ZNF407: variants seen among roughly 807,000 people sequenced by gnomAD.
ZNF407 encodes zinc finger protein 407.
ZNF407 carries 17 observed loss-of-function variants against 131.2 expected under a neutral mutation model. The observed-to-expected ratio is 0.13, with a 90% CI of 0.09 to 0.19. ZNF407 has a LOEUF of 0.19. ZNF407 is among the 10% of genes least tolerant of loss of function. The probability of loss-of-function intolerance (pLI) is 1.00; values close to 1 mark genes in which losing one functional copy is unlikely to be tolerated. For synonymous variants in ZNF407, 1,156 were observed against 1,062.0 expected, an observed-to-expected ratio of 1.09 and a Z score of -1.72; for missense variants, 2,681 against 2,830.6, an observed-to-expected ratio of 0.95 and a Z score of 1.20.
At chr18:74,801,920 T>G (rs769258862) in intron 4 of ZNF407, among the ~76,000 whole-genome samples, 9 of 152,204 alleles carry the variant, frequency 5.9e-5, no homozygotes, top group Non-Finnish European at 1.2e-4. Flanking sequence ...GCACATGACC[T>G]TGCTAGAAGA....
intron 1 of ZNF407, among the ~76,000 whole-genome samples, chr18:74,612,785 G>A (rs1983120894): frequency 6.6e-6 from 1 of 152,152 alleles, no homozygotes; most frequent in Non-Finnish European, 1.5e-5. Flanking sequence ...CCTTGCCCAT[G>A]GGCACAGAGA....
chr18:74,882,731 C>G (rs1971255198), intron 6 of ZNF407, among the ~76,000 whole-genome samples: 1 of 152,164 alleles, frequency 6.6e-6, no homozygotes, highest in Non-Finnish European at 1.5e-5. Flanking sequence ...CTGATTTTAA[C>G]CACTGGCTTC....
At chr18:75,049,141 G>A (rs1973470530) in intron 8 of ZNF407, among the ~76,000 whole-genome samples, 1 of 151,322 alleles carries the variant, frequency 6.6e-6, no homozygotes, top group African/African-American at 2.4e-5. Context: ...TGATCTCACT[G>A]TCAGCTGGTG....
At chr18:74,960,504 T>C (rs1464021416) in intron 8 of ZNF407, among the ~76,000 whole-genome samples, 9 of 139,308 alleles carry the variant, frequency 6.5e-5, no homozygotes, top group African/African-American at 2.3e-4. Context: ...GAGAAGGTCC[T>C]GAGTCAGTGC....
intron 8 of ZNF407, among the ~76,000 whole-genome samples, chr18:74,938,311 G>T (rs755240947): frequency 1.3e-5 from 2 of 152,038 alleles, no homozygotes; most frequent in African/African-American, 2.4e-5. Context: ...CCAAATTTTC[G>T]TCATATACTG....
In ZNF407 at chr18:75,059,109, G is replaced by A. The variant is rs536984518; in HGVS notation, c.5429-4041G>A. 5.6e-4 allele frequency among the ~76,000 whole-genome samples: 86 copies of A among 152,302 alleles called. 3 individuals carry two copies. The South Asian group carries it at 0.012, about 22-fold the overall frequency. On this transcript the variant is annotated intron_variant, in intron 8 of 8. Transcript: ENST00000299687. ...GCTAGGCTTCGTCACACCCCACACC[G>A]ACAGCAGTATTTACCCATTTAGTTT...
At chr18:74,806,204 C>G (rs561997272) in intron 4 of ZNF407, among the ~76,000 whole-genome samples, 1 of 152,210 alleles carries the variant, frequency 6.6e-6, no homozygotes, top group African/African-American at 2.4e-5. Flanking sequence ...AGGCCCACAC[C>G]TTGGCTAGGC....
At chr18:74,716,159 A>AGTT (rs2144857915) in intron 3 of ZNF407, among the ~76,000 whole-genome samples, 1 of 152,258 alleles carries the variant, frequency 6.6e-6, no homozygotes, top group South Asian at 2.1e-4. Flanking sequence ...TTTAATTTTT[A>AGTT]GTTGTATCTT....
intron 4 of ZNF407, among the ~76,000 whole-genome samples, chr18:74,825,746 T>C (rs1005408660): frequency 5.3e-5 from 8 of 152,222 alleles, no homozygotes; most frequent in Non-Finnish European, 8.8e-5. Flanking sequence ...TATTGATTCT[T>C]ATGTGATCAT....
At chr18:74,958,505 G>GC (rs1161558751) in intron 8 of ZNF407, among the ~76,000 whole-genome samples, 1 of 151,900 alleles carries the variant, frequency 6.6e-6, no homozygotes, top group Non-Finnish European at 1.5e-5. Context: ...TTGATGAGGA[G>GC]CCCGCCGTGC....
chr18:74,600,101 G>A (rs1402327961), intron 1 of ZNF407, among the ~76,000 whole-genome samples: 2 of 152,238 alleles, frequency 1.3e-5, no homozygotes, highest in South Asian at 2.1e-4. Flanking sequence ...CGCATTGGCA[G>A]TGCAGTCTGA....
chr18:74,993,693 C>T lies in ZNF407; in HGVS notation c.5429-69457C>T, dbSNP rs147451754. On this transcript the variant is annotated intron_variant, in intron 8 of 8. Transcript: ENST00000299687. Reference sequence around the variant, plus strand: ...AACTGTTAAGAAACAAAAAAATACGCAGCGATTAAGTAATAGTTAACAGTG... The same window carrying T: ...AACTGTTAAGAAACAAAAAAATACGTAGCGATTAAGTAATAGTTAACAGTG... Among the ~76,000 whole-genome samples, 620 of 152,262 alleles carry T rather than the reference C, an allele frequency of 4.1e-3. 2 individuals are homozygous for T. Among genetic ancestry groups the T allele is most frequent in the Non-Finnish European group, 6.4e-3 (435 of 68,014 alleles).
chr18:74,835,627 GGGGT>G (rs34911845), intron 4 of ZNF407, among the ~76,000 whole-genome samples: 40,152 of 117,266 alleles, frequency 0.34, 5,617 homozygotes, highest in South Asian at 0.47. Context: ...TGGACAGAGG[GGGGT>G]GTGTGTGTGT....
intron 3 of ZNF407, among the ~76,000 whole-genome samples, chr18:74,752,471 G>A (rs1404170673): frequency 3.3e-5 from 5 of 152,038 alleles, no homozygotes; most frequent in Non-Finnish European, 7.4e-5. Flanking sequence ...CTGAATGGTA[G>A]TGCCTAGGTT....
chr18:74,822,788 T>A (rs1232069000), intron 4 of ZNF407, among the ~76,000 whole-genome samples: 1 of 152,208 alleles, frequency 6.6e-6, no homozygotes, highest in Non-Finnish European at 1.5e-5. Flanking sequence ...GTAGTTTTTT[T>A]TCCACTTCTG....
At chr18:74,609,315 T>C (rs919041489) in intron 1 of ZNF407, among the ~76,000 whole-genome samples, 1 of 152,188 alleles carries the variant, frequency 6.6e-6, no homozygotes, top group Non-Finnish European at 1.5e-5. Flanking sequence ...TGTGTGAACA[T>C]CACAGAGTAT....
chr18:74,854,855 T>C (rs1246578276), intron 4 of ZNF407, among the ~76,000 whole-genome samples: 1 of 151,918 alleles, frequency 6.6e-6, no homozygotes, highest in Non-Finnish European at 1.5e-5. Context: ...CTGCATCCTT[T>C]TCATTTCCCC....
At chr18:74,842,836 GCC>G (rs1970653049) in intron 4 of ZNF407, among the ~76,000 whole-genome samples, 1 of 152,046 alleles carries the variant, frequency 6.6e-6, no homozygotes, top group Non-Finnish European at 1.5e-5. Context: ...TGATTCTCAT[GCC>G]TCAGTCTCCC....
rs563529503 is a variant in ZNF407, at chr18:74,949,998, G to T, written c.5428+29306G>T. Among the ~76,000 whole-genome samples, 6 of 152,312 alleles carry T rather than the reference G, an allele frequency of 3.9e-5. No homozygotes were observed. The South Asian group carries it at 1.2e-3, about 32-fold the overall frequency. On this transcript the variant is annotated intron_variant, in intron 8 of 8. Transcript: ENST00000299687. ...GCTGATGGCTCCAGATGACCATCCT[G>T]GCTAATATTGCCTTCCCAGCAGCAG...
Sources: allele counts gnomAD v4.1 joint callset (sites outside exome capture counted in the v4.1 genomes callset), GRCh38; gene constraint gnomAD v4.1.1; transcripts MANE v1.5; gene names NCBI Gene and HGNC (gene_info 2026-07-23, HGNC 2026-07-21).